Variants in SETBP1 observed in about 807,000 individuals in gnomAD.
SETBP1 encodes SET-binding protein.
A neutral mutation model predicts 101.0 loss-of-function variants in SETBP1; 9 were observed. The observed-to-expected ratio is 0.09, with a 90% CI of 0.05 to 0.16. The LOEUF (loss-of-function observed/expected upper bound fraction) is 0.16, where lower values mean the gene tolerates loss of function less well. SETBP1 is among the 10% of genes least tolerant of loss of function. The pLI is 1.00. For synonymous variants in SETBP1, 818 were observed against 788.5 expected, an observed-to-expected ratio of 1.04 and a Z score of -0.63; for missense variants, 1,858 against 2,033.8, an observed-to-expected ratio of 0.91 and a Z score of 1.66.
At chr18:44,787,374 T>C (rs1371331334) in intron 2 of SETBP1, among the ~76,000 whole-genome samples, 1 of 152,164 alleles carries the variant, frequency 6.6e-6, no homozygotes, top group Non-Finnish European at 1.5e-5. Flanking sequence ...AAGTTGAAGA[T>C]GGAACTGAGG....
chr18:44,700,769 T>C (rs1335764813), intron 1 of SETBP1, among the ~76,000 whole-genome samples: 1 of 152,134 alleles, frequency 6.6e-6, no homozygotes, highest in Non-Finnish European at 1.5e-5. Flanking sequence ...AGAGAAGCGG[T>C]GCAAAAAGCC....
chr18:44,726,701 A>G, intron 2 of SETBP1, among the ~76,000 whole-genome samples: 1 of 152,238 alleles, frequency 6.6e-6, no homozygotes, highest in East Asian at 1.9e-4. Flanking sequence ...CTTGAAGTTT[A>G]TTAAATATGT....
chr18:44,744,280 C>A (rs1050639920), intron 2 of SETBP1, among the ~76,000 whole-genome samples: 2 of 152,242 alleles, frequency 1.3e-5, no homozygotes, highest in Admixed American at 6.5e-5. Context: ...TGGAGCTGCA[C>A]GCCTGCTCCC....
intron 2 of SETBP1, among the ~76,000 whole-genome samples, chr18:44,783,392 T>G (rs2071175198): frequency 6.6e-6 from 1 of 152,072 alleles, no homozygotes; most frequent in Non-Finnish European, 1.5e-5. Context: ...CTGCAGGAAA[T>G]CAGAAGAAAA....
intron 2 of SETBP1, among the ~76,000 whole-genome samples, chr18:44,708,771 T>C (rs2069276353): frequency 1.3e-5 from 2 of 151,684 alleles, no homozygotes; most frequent in East Asian, 1.9e-4. Context: ...AAGAAAAAGA[T>C]GAAGAAGAAA....
At chr18:44,921,368 C>T (rs766071736) in intron 3 of SETBP1, among the ~76,000 whole-genome samples, 6 of 152,178 alleles carry the variant, frequency 3.9e-5, no homozygotes, top group Non-Finnish European at 5.9e-5. Context: ...TTTCTCTGAG[C>T]TTAGCCTTAT....
chr18:44,764,440 C>T (rs1200829544), intron 2 of SETBP1, among the ~76,000 whole-genome samples: 1 of 152,104 alleles, frequency 6.6e-6, no homozygotes, highest in African/African-American at 2.4e-5. Flanking sequence ...TCTTCTTCTT[C>T]TTCCTTCTTT....
intron 2 of SETBP1, among the ~76,000 whole-genome samples, chr18:44,846,587 A>G (rs1167949585): frequency 1.3e-5 from 2 of 152,212 alleles, no homozygotes; most frequent in African/African-American, 4.8e-5. Context: ...ATCTCAGGTG[A>G]TTAGGCACAG....
chr18:44,683,263 C>T (rs2068788383), intron 1 of SETBP1, among the ~76,000 whole-genome samples: 1 of 152,184 alleles, frequency 6.6e-6, no homozygotes, highest in African/African-American at 2.4e-5. Context: ...TTTAAGTTAA[C>T]CCAACAGCCC....
chr18:44,964,191 C>T (rs1444915469), intron 4 of SETBP1, among the ~76,000 whole-genome samples: 3 of 152,170 alleles, frequency 2.0e-5, no homozygotes, highest in East Asian at 3.8e-4. Flanking sequence ...CTCTTATATG[C>T]TTCTTTGTGC....
chr18:44,680,813 G>C (rs541948532), upstream of SETBP1: 1 of 152,104 alleles, frequency 6.6e-6, no homozygotes, highest in Non-Finnish European at 1.5e-5. Flanking sequence ...CGGGTTTGGC[G>C]TTGGTGGAGT....
In SETBP1 at chr18:45,055,557, T is replaced by G. The variant is rs72896893; in HGVS notation, c.4172-7522T>G. 3.5e-3 allele frequency among the ~76,000 whole-genome samples: 531 copies of G among 152,318 alleles called. 2 individuals are homozygous for G. Among genetic ancestry groups the G allele is most frequent in the Non-Finnish European group, 6.1e-3 (415 of 68,016 alleles). ...TTTGTATACTTGTTTTTGAAAATCT[T>G]GGTTTTTTTTTAAGCACTTGTGATA... On this transcript the variant is annotated intron_variant, in intron 5 of 5. Coordinates refer to ENST00000649279, the MANE Select transcript of SETBP1 (RefSeq NM_015559.3).
intron 4 of SETBP1, among the ~76,000 whole-genome samples, chr18:44,984,866 C>T (rs565456247): frequency 6.6e-5 from 10 of 152,260 alleles, no homozygotes; most frequent in East Asian, 3.9e-4. Flanking sequence ...TTAGGCCGGA[C>T]GCAGTGGTTC....
At chr18:44,972,802 T>C (rs1251038221) in intron 4 of SETBP1, among the ~76,000 whole-genome samples, 1 of 152,216 alleles carries the variant, frequency 6.6e-6, no homozygotes, top group Non-Finnish European at 1.5e-5. Context: ...TTTCTACATA[T>C]ACAAACATGT....
At chr18:44,909,334 T>C (rs1208454879) in intron 3 of SETBP1, among the ~76,000 whole-genome samples, 1 of 152,218 alleles carries the variant, frequency 6.6e-6, no homozygotes, top group South Asian at 2.1e-4. Context: ...AGCCCCATTA[T>C]TTGAATGGAC....
At chr18:44,793,249 A>G (rs974135097) in intron 2 of SETBP1, among the ~76,000 whole-genome samples, 7 of 152,200 alleles carry the variant, frequency 4.6e-5, no homozygotes, top group Non-Finnish European at 1.0e-4. Flanking sequence ...GCTGGGTGGA[A>G]TCAGTGTTCT....
At chr18:44,715,678 G>A (rs556197463) in intron 2 of SETBP1, among the ~76,000 whole-genome samples, 1 of 152,336 alleles carries the variant, frequency 6.6e-6, no homozygotes, top group South Asian at 2.1e-4. Flanking sequence ...TGTTAACAGT[G>A]CAATGGAAAT....
intron 1 of SETBP1, among the ~76,000 whole-genome samples, chr18:44,683,456 T>C (rs1191497829): frequency 1.3e-5 from 2 of 152,160 alleles, no homozygotes; most frequent in African/African-American, 4.8e-5. Context: ...AAGAAATAAA[T>C]AGGTAGGTAC....
intron 3 of SETBP1, 164 bp downstream of exon 3, chr18:44,869,447 G>T: frequency 1.4e-6 from 1 of 705,526 alleles, no homozygotes; most frequent in Admixed American, 2.0e-5. Flanking sequence ...TCCTCCTCCA[G>T]CTCCTCTCAT....
Sources: allele counts gnomAD v4.1 joint callset (sites outside exome capture counted in the v4.1 genomes callset), GRCh38; gene constraint gnomAD v4.1.1; transcripts MANE v1.5; gene names NCBI Gene and HGNC (gene_info 2026-07-23, HGNC 2026-07-21).